DNAJC12: variants seen among roughly 807,000 people sequenced by gnomAD.
DNAJC12 encodes dnaJ homolog subfamily C member 12.
DNAJC12 carries 25 observed loss-of-function variants against 28.5 expected under a neutral mutation model. That is an observed-to-expected ratio of 0.88 (90% CI 0.64 to 1.22). DNAJC12 has a LOEUF of 1.22. Ranked by LOEUF, DNAJC12 falls within the 50% of genes most tolerant of loss-of-function variation. The pLI is 0.00. For missense variants in DNAJC12, 222 were observed against 231.7 expected, an observed-to-expected ratio of 0.96 and a Z score of 0.27; for synonymous variants, 77 against 80.6, an observed-to-expected ratio of 0.95 and a Z score of 0.24.
chr10:67,816,726 T>C (rs1451099306), intron 2 of DNAJC12, among the ~76,000 whole-genome samples: 11 of 152,114 alleles, frequency 7.2e-5, no homozygotes, highest in Admixed American at 5.9e-4. Flanking sequence ...TTTGTACTTT[T>C]AGTAGAGACG....
At chr10:67,810,114 C>T (rs921518843) in intron 3 of DNAJC12, among the ~76,000 whole-genome samples, 3 of 152,094 alleles carry the variant, frequency 2.0e-5, no homozygotes, top group Non-Finnish European at 2.9e-5. Flanking sequence ...ACAATCATGG[C>T]GGAAGGTGAA....
intron 1 of DNAJC12, among the ~76,000 whole-genome samples, chr10:67,831,425 G>A (rs182949883): frequency 4.5e-4 from 68 of 152,114 alleles, no homozygotes; most frequent in South Asian, 8.3e-4. Flanking sequence ...TCCATATTCT[G>A]CTAGCAAAAT....
At chr10:67,822,728 G>A (rs528082622) in intron 2 of DNAJC12, among the ~76,000 whole-genome samples, 6 of 152,140 alleles carry the variant, frequency 3.9e-5, no homozygotes, top group South Asian at 2.1e-4. Context: ...CCGGGCACAC[G>A]CCTATAATCC....
chr10:67,832,018 C>A (rs534245881), intron 1 of DNAJC12, among the ~76,000 whole-genome samples: 192 of 152,308 alleles, frequency 1.3e-3, no homozygotes, highest in Non-Finnish European at 1.6e-3. Context: ...GTAATCCCAA[C>A]ACTTTGAGAG....
chr10:67,812,634 G>A (rs1023721293), intron 2 of DNAJC12, among the ~76,000 whole-genome samples: 4 of 148,208 alleles, frequency 2.7e-5, no homozygotes, highest in Non-Finnish European at 4.5e-5. Context: ...ACGAGGTCAG[G>A]AATTCAAGAC....
chr10:67,819,091 T>C (rs1008703425), intron 2 of DNAJC12, among the ~76,000 whole-genome samples: 2 of 152,112 alleles, frequency 1.3e-5, no homozygotes, highest in Non-Finnish European at 2.9e-5. Context: ...CCCAGGACTC[T>C]GGGAGACCGA....
intron 2 of DNAJC12, among the ~76,000 whole-genome samples, chr10:67,815,386 T>C (rs899137251): frequency 2.0e-5 from 3 of 151,326 alleles, no homozygotes; most frequent in South Asian, 2.1e-4. Context: ...TGCATGCCTG[T>C]AATCCCAGCT....
At chr10:67,817,952 C>G (rs1841932286) in intron 2 of DNAJC12, among the ~76,000 whole-genome samples, 1 of 152,098 alleles carries the variant, frequency 6.6e-6, no homozygotes, top group Non-Finnish European at 1.5e-5. Flanking sequence ...CCTGTAATCC[C>G]AGCACTTTGG....
chr10:67,820,911 G>A (rs1272777332), intron 2 of DNAJC12, among the ~76,000 whole-genome samples: 1 of 149,154 alleles, frequency 6.7e-6, no homozygotes, highest in East Asian at 2.0e-4. Context: ...AGCCTCCCAA[G>A]TAGCTGGGAT....
At chr10:67,817,905 G>T (rs1841932020) in intron 2 of DNAJC12, among the ~76,000 whole-genome samples, 1 of 149,804 alleles carries the variant, frequency 6.7e-6, no homozygotes, top group South Asian at 2.1e-4. Context: ...TAAAAAAAGA[G>T]ATTTTGAAAT....
intron 4 of DNAJC12, among the ~76,000 whole-genome samples, chr10:67,798,419 C>G (rs1205883494): frequency 6.6e-6 from 1 of 152,064 alleles, no homozygotes; most frequent in Admixed American, 6.6e-5. Context: ...GTGGCTCACG[C>G]TTGTAATCCT....
rs1841726340 is a variant in DNAJC12, at chr10:67,800,115, T to TG, written c.503-2906dup. ...GTGCACACCTGCAGTCCCAGCCATT[T>TG]GGGGGCGGAGGTGGGAGGATCATCT... On this transcript the variant is annotated intron_variant, in intron 4 of 4. Transcript: ENST00000225171. Among the ~76,000 whole-genome samples, 5 of 148,210 alleles carry TG rather than the reference T, an allele frequency of 3.4e-5. No individual in the cohort carries two copies. In the South Asian group the frequency reaches 1.1e-3, roughly 32 times the overall value.
chr10:67,803,567 C>T (rs566446516), intron 4 of DNAJC12, among the ~76,000 whole-genome samples: 2 of 152,276 alleles, frequency 1.3e-5, no homozygotes, highest in African/African-American at 2.4e-5. Context: ...AGGAAAATTT[C>T]GTAGAATCCT....
intron 3 of DNAJC12, among the ~76,000 whole-genome samples, chr10:67,810,464 T>G (rs539911909): frequency 1.3e-5 from 2 of 152,340 alleles, no homozygotes; most frequent in South Asian, 4.1e-4. Context: ...CTGTGTGTGA[T>G]GCTACAAAAG....
At chr10:67,803,542 AT>A (rs887355074) in intron 4 of DNAJC12, among the ~76,000 whole-genome samples, 6 of 152,294 alleles carry the variant, frequency 3.9e-5, no homozygotes, top group South Asian at 2.1e-4. Context: ...CTAAATTACT[AT>A]TTTTTTAAAA....
At chr10:67,808,229 T>C (rs1841822954) in intron 3 of DNAJC12, among the ~76,000 whole-genome samples, 1 of 152,190 alleles carries the variant, frequency 6.6e-6, no homozygotes, top group African/African-American at 2.4e-5. Flanking sequence ...CAGCAATTGA[T>C]ACAGACTAAG....
At chr10:67,823,862 G>A (rs1451754972) in intron 1 of DNAJC12, among the ~76,000 whole-genome samples, 1 of 151,922 alleles carries the variant, frequency 6.6e-6, no homozygotes, top group Non-Finnish European at 1.5e-5. Context: ...TCCAATAAAC[G>A]CTCCTATTGA....
intron 1 of DNAJC12, among the ~76,000 whole-genome samples, chr10:67,829,089 A>C (rs1052732796): frequency 6.6e-6 from 1 of 152,178 alleles, no homozygotes; most frequent in African/African-American, 2.4e-5. Flanking sequence ...CTTACTTAAT[A>C]AGCACATTCC....
intron 2 of DNAJC12, among the ~76,000 whole-genome samples, chr10:67,819,013 G>C (rs1454637988): frequency 6.6e-6 from 1 of 152,024 alleles, no homozygotes; most frequent in Non-Finnish European, 1.5e-5. Context: ...AGTTCAGACA[G>C]GTAGTTAATA....
Sources: allele counts gnomAD v4.1 joint callset (sites outside exome capture counted in the v4.1 genomes callset), GRCh38; gene constraint gnomAD v4.1.1; transcripts MANE v1.5; gene names NCBI Gene and HGNC (gene_info 2026-07-23, HGNC 2026-07-21).